The following SUPT3H variants were observed in gnomAD, a reference collection of about 807,000 sequenced individuals.
The protein encoded by SUPT3H is SPT3 homolog, SAGA and STAGA complex component, also known as transcription initiation protein SPT3 homolog.
Under a neutral mutation model 44.3 loss-of-function variants are expected in SUPT3H, and 44 were observed. That is an observed-to-expected ratio of 0.99 (90% CI 0.78 to 1.28). SUPT3H has a LOEUF of 1.28. Ranked by LOEUF, SUPT3H falls within the 50% of genes most tolerant of loss-of-function variation. The pLI is 0.00. For synonymous variants in SUPT3H, 124 were observed against 125.6 expected (o/e 0.99, Z 0.09); for missense variants, 380 against 387.1 (o/e 0.98, Z 0.15).
intron 5 of SUPT3H, among the ~76,000 whole-genome samples, chr6:45,004,913 C>T (rs1298441167): frequency 6.6e-6 from 1 of 152,068 alleles, no homozygotes; most frequent in Non-Finnish European, 1.5e-5. Context: ...ATGTATGTAC[C>T]ACAGCTTTCC....
intron 10 of SUPT3H, among the ~76,000 whole-genome samples, chr6:44,858,337 T>C (rs1774078813): frequency 6.6e-6 from 1 of 152,178 alleles, no homozygotes; most frequent in African/African-American, 2.4e-5. Flanking sequence ...TTGTTACATG[T>C]CAAGTGCTAT....
chr6:45,357,822 A>G (rs1340937189), intron 2 of SUPT3H, among the ~76,000 whole-genome samples: 2 of 152,204 alleles, frequency 1.3e-5, no homozygotes, highest in African/African-American at 4.8e-5. Context: ...ATTCAATTAC[A>G]CATGCTGACA....
chr6:44,831,606 T>TAAC (rs1768764529), intron 10 of SUPT3H, among the ~76,000 whole-genome samples: 2 of 152,218 alleles, frequency 1.3e-5, no homozygotes, highest in African/African-American at 4.8e-5. Flanking sequence ...TGACAATCTT[T>TAAC]AACATCATGT....
chr6:45,253,558 A>C (rs978794133), intron 2 of SUPT3H, among the ~76,000 whole-genome samples: 1 of 152,038 alleles, frequency 6.6e-6, no homozygotes, highest in African/African-American at 2.4e-5. Flanking sequence ...TGGGAGGCTG[A>C]AGTGGGAGGA....
intron 2 of SUPT3H, among the ~76,000 whole-genome samples, chr6:45,152,864 C>T (rs1562561740): frequency 6.6e-6 from 1 of 152,114 alleles, no homozygotes. Context: ...AATATATATA[C>T]ATTTAAATAA....
chr6:45,097,118 T>G (rs557267833), intron 3 of SUPT3H, among the ~76,000 whole-genome samples: 8 of 152,336 alleles, frequency 5.3e-5, no homozygotes, highest in African/African-American at 1.9e-4. Flanking sequence ...AATTTTTGAC[T>G]GACAGAAATC....
At chr6:44,956,410 GA>G (rs1486103010) in intron 7 of SUPT3H, among the ~76,000 whole-genome samples, 2 of 143,918 alleles carry the variant, frequency 1.4e-5, no homozygotes, top group Non-Finnish European at 3.0e-5. Flanking sequence ...ATTGAAACCG[GA>G]AGGTGGAGGT....
chr6:44,819,364 T>A (rs1051679089), intron 11 of SUPT3H, among the ~76,000 whole-genome samples: 4 of 152,016 alleles, frequency 2.6e-5, no homozygotes, highest in African/African-American at 9.7e-5. Flanking sequence ...AAAAACTGTT[T>A]TGGGTTCTTT....
At chr6:45,013,066 C>G (rs1783731606) in intron 5 of SUPT3H, among the ~76,000 whole-genome samples, 1 of 152,066 alleles carries the variant, frequency 6.6e-6, no homozygotes, top group African/African-American at 2.4e-5. Context: ...CACTAATTGA[C>G]AGCTGTTTGC....
chr6:44,969,427 T>C (rs1383308250), intron 6 of SUPT3H, among the ~76,000 whole-genome samples: 1 of 152,082 alleles, frequency 6.6e-6, no homozygotes, highest in East Asian at 1.9e-4. Context: ...TAACAGTGAA[T>C]TACAAACAGA....
intron 1 of SUPT3H, among the ~76,000 whole-genome samples, chr6:45,376,185 A>T (rs1796748771): frequency 6.7e-6 from 1 of 149,942 alleles, no homozygotes; most frequent in Non-Finnish European, 1.5e-5. Context: ...TTTTGCTTTA[A>T]TTTGTCAAGA....
At chr6:45,126,109 C>A (rs1350053436) in intron 2 of SUPT3H, among the ~76,000 whole-genome samples, 1 of 152,098 alleles carries the variant, frequency 6.6e-6, no homozygotes, top group Non-Finnish European at 1.5e-5. Flanking sequence ...TTCAGGGCTG[C>A]CTATCAAGCA....
intron 10 of SUPT3H, among the ~76,000 whole-genome samples, chr6:44,869,469 G>T (rs1370352524): frequency 6.6e-6 from 1 of 151,032 alleles, no homozygotes; most frequent in Non-Finnish European, 1.5e-5. Context: ...TGAAACAGAC[G>T]ATATTGCAAC....
At chr6:44,842,380 GAAATAT>G (rs1165829450) in intron 10 of SUPT3H, among the ~76,000 whole-genome samples, 1 of 151,868 alleles carries the variant, frequency 6.6e-6, no homozygotes, top group East Asian at 1.9e-4. Context: ...ATTGGATTTA[GAAATAT>G]AAATATTATT....
chr6:44,972,671 C>A (rs980029436), intron 6 of SUPT3H, among the ~76,000 whole-genome samples: 6 of 152,232 alleles, frequency 3.9e-5, no homozygotes, highest in African/African-American at 1.4e-4. Flanking sequence ...CGGCAACACA[C>A]CCCTGCCTAG....
chr6:44,965,200 T>C (rs1209583032), intron 6 of SUPT3H, among the ~76,000 whole-genome samples: 1 of 152,136 alleles, frequency 6.6e-6, no homozygotes, highest in Admixed American at 6.6e-5. Context: ...GAAACTGTAG[T>C]GTATCTGATA....
At chr6:44,969,138 T>C (rs1777196815) in intron 6 of SUPT3H, among the ~76,000 whole-genome samples, 1 of 152,222 alleles carries the variant, frequency 6.6e-6, no homozygotes, top group Non-Finnish European at 1.5e-5. Context: ...GATAGTATTA[T>C]ACCCCTTCCT....
intron 2 of SUPT3H, among the ~76,000 whole-genome samples, chr6:45,135,733 C>T (rs1442940287): frequency 1.3e-5 from 2 of 152,176 alleles, no homozygotes. Flanking sequence ...AGGGCCTTCA[C>T]CAGAAACAAC....
intron 5 of SUPT3H, among the ~76,000 whole-genome samples, chr6:45,012,393 GTCT>G (rs879596307): frequency 6.6e-6 from 1 of 151,460 alleles, no homozygotes; most frequent in South Asian, 2.1e-4. Flanking sequence ...CTTTAATGAT[GTCT>G]TCAAGTTCAG....
Sources: gnomAD v4.1 joint callset for allele counts (sites outside exome capture counted in the v4.1 genomes callset) on GRCh38, gnomAD v4.1.1 for gene constraint, MANE v1.5 for transcripts, NCBI Gene and HGNC (gene_info 2026-07-23, HGNC 2026-07-21) for gene names.